MAGI2: variants seen among roughly 807,000 people sequenced by gnomAD.
MAGI2 encodes the protein membrane-associated guanylate kinase, WW and PDZ domain-containing protein 2.
In MAGI2, 35 loss-of-function variants were observed where a neutral mutation model predicts 133.3. The ratio of observed to expected loss-of-function variants is 0.26; its 90% confidence interval spans 0.20 to 0.35. The LOEUF (loss-of-function observed/expected upper bound fraction) is 0.35. MAGI2 is among the 10% of genes least tolerant of loss of function. The probability of loss-of-function intolerance (pLI) is 1.00; values close to 1 mark genes in which losing one functional copy is unlikely to be tolerated. For synonymous variants in MAGI2, 729 were observed against 710.6 expected, an observed-to-expected ratio of 1.03 and a Z score of -0.41; for missense variants, 1,636 against 1,863.4, an observed-to-expected ratio of 0.88 and a Z score of 2.25.
At chr7:79,387,375 T>G (rs556264030) in intron 1 of MAGI2, among the ~76,000 whole-genome samples, 1 of 152,254 alleles carries the variant, frequency 6.6e-6, no homozygotes, top group Non-Finnish European at 1.5e-5. Flanking sequence ...GACGTTCAAC[T>G]TTTAACCTCT....
chr7:78,655,454 C>CAAAAAAAAAAAAAAAAAAAAAAACAACA, intron 2 of MAGI2, among the ~76,000 whole-genome samples: 3 of 64,950 alleles, frequency 4.6e-5, no homozygotes, highest in African/African-American at 6.3e-5. Flanking sequence ...AAAAAACAAC[C>CAAAAAAAAAAAAAAAAAAAAAAACAACA]AAAAAAAAAA....
At chr7:78,651,396 T>G (rs905443100) in intron 2 of MAGI2, among the ~76,000 whole-genome samples, 2 of 152,092 alleles carry the variant, frequency 1.3e-5, no homozygotes, top group African/African-American at 4.8e-5. Flanking sequence ...ATTGTCCTGA[T>G]TCATTGGATA....
intron 2 of MAGI2, among the ~76,000 whole-genome samples, chr7:78,982,127 A>T (rs1475988895): frequency 6.6e-6 from 1 of 151,926 alleles, no homozygotes; most frequent in African/African-American, 2.4e-5. Context: ...AAGCTGCTAT[A>T]TAAGCTTAGG....
At chr7:78,286,314 T>C (rs747949809) in intron 9 of MAGI2, among the ~76,000 whole-genome samples, 1 of 152,162 alleles carries the variant, frequency 6.6e-6, no homozygotes, top group Non-Finnish European at 1.5e-5. Context: ...ATTTTTCTTG[T>C]CTGTAAGAAG....
chr7:78,056,898 T>G (rs1387766639), intron 21 of MAGI2, among the ~76,000 whole-genome samples: 2 of 152,142 alleles, frequency 1.3e-5, no homozygotes, highest in African/African-American at 4.8e-5. Flanking sequence ...CACATTTTCT[T>G]TATCCATTCA....
At chr7:78,926,141 A>G (rs1426823258) in intron 2 of MAGI2, among the ~76,000 whole-genome samples, 1 of 151,952 alleles carries the variant, frequency 6.6e-6, no homozygotes, top group Non-Finnish European at 1.5e-5. Context: ...AGTTCCAATG[A>G]GCTTCTCTCA....
intron 2 of MAGI2, among the ~76,000 whole-genome samples, chr7:78,732,005 C>T (rs1585224646): frequency 1.3e-5 from 2 of 151,762 alleles, no homozygotes; most frequent in South Asian, 4.2e-4. Flanking sequence ...TTTTGTATTG[C>T]TGAATTTAAA....
chr7:78,186,302 AG>A (rs1397900823), intron 12 of MAGI2, among the ~76,000 whole-genome samples: 2 of 152,202 alleles, frequency 1.3e-5, no homozygotes, highest in African/African-American at 4.8e-5. Flanking sequence ...ATGTAGGCAT[AG>A]CCCACATTTA....
chr7:78,451,914 T>C (rs1261477760), intron 6 of MAGI2, among the ~76,000 whole-genome samples: 3 of 152,142 alleles, frequency 2.0e-5, no homozygotes, highest in Non-Finnish European at 4.4e-5. Flanking sequence ...ATGCTTGGGA[T>C]ATGTGCTTGA....
At chr7:78,207,743 A>G (rs1273044335) in intron 10 of MAGI2, among the ~76,000 whole-genome samples, 1 of 152,244 alleles carries the variant, frequency 6.6e-6, no homozygotes, top group African/African-American at 2.4e-5. Flanking sequence ...GTCCCTTAGC[A>G]AGAGTGGAAG....
At chr7:78,442,492 T>C (rs188575389) in intron 6 of MAGI2, among the ~76,000 whole-genome samples, 223 of 152,318 alleles carry the variant, frequency 1.5e-3, no homozygotes, top group African/African-American at 4.5e-3. Flanking sequence ...TAATCATATA[T>C]CTGAAATCCT....
At chr7:79,212,442 C>T (rs1829577621) in intron 1 of MAGI2, among the ~76,000 whole-genome samples, 1 of 152,078 alleles carries the variant, frequency 6.6e-6, no homozygotes, top group Non-Finnish European at 1.5e-5. Flanking sequence ...AAAAATTTGG[C>T]ATCAATTCAC....
chr7:79,188,283 G>A (rs7807629), intron 1 of MAGI2, among the ~76,000 whole-genome samples: 28,060 of 151,170 alleles, frequency 0.19, 5,065 homozygotes, highest in African/African-American at 0.46. Context: ...TTTCCACCCC[G>A]CCTCCCCCAA....
intron 1 of MAGI2, among the ~76,000 whole-genome samples, chr7:79,136,131 C>T (rs12532258): frequency 2.1e-4 from 29 of 139,574 alleles, no homozygotes; most frequent in Non-Finnish European, 3.3e-4. Context: ...GAAAGAAAGA[C>T]ACAAAAGGCA....
At chr7:78,252,048 G>A (rs1163630686) in intron 10 of MAGI2, 3 of 150,760 alleles carry the variant, frequency 2.0e-5, no homozygotes, top group Non-Finnish European at 4.4e-5. Flanking sequence ...CTGAGGTGAA[G>A]GATCACTTGA....
intron 21 of MAGI2, among the ~76,000 whole-genome samples, chr7:78,057,992 T>TATATATATATATATATATATATAC: frequency 7.4e-6 from 1 of 135,714 alleles, no homozygotes; most frequent in Non-Finnish European, 1.6e-5. Flanking sequence ...TATATATATA[T>TATATATATATATATATATATATAC]ATATATATAT....
chr7:78,636,565 G>A (rs1418864267), intron 2 of MAGI2, among the ~76,000 whole-genome samples: 8 of 152,088 alleles, frequency 5.3e-5, no homozygotes, highest in African/African-American at 1.9e-4. Flanking sequence ...TTGGGAGGCC[G>A]AGGTGGGCGG....
At chr7:78,288,840 G>A (rs1796412798) in intron 9 of MAGI2, among the ~76,000 whole-genome samples, 1 of 152,176 alleles carries the variant, frequency 6.6e-6, no homozygotes, top group Non-Finnish European at 1.5e-5. Flanking sequence ...GGCAAACAGG[G>A]TCTGGAGTGG....
At chr7:78,260,189 C>T (rs955550695) in intron 9 of MAGI2, among the ~76,000 whole-genome samples, 3 of 152,166 alleles carry the variant, frequency 2.0e-5, no homozygotes, top group African/African-American at 7.2e-5. Context: ...GGGATGTCAG[C>T]AAACATTTGC....
Sources: allele counts gnomAD v4.1 joint callset (sites outside exome capture counted in the v4.1 genomes callset), GRCh38; gene constraint gnomAD v4.1.1; transcripts MANE v1.5; gene names NCBI Gene and HGNC (gene_info 2026-07-23, HGNC 2026-07-21).